Variants in SLC16A12 observed in about 807,000 individuals in gnomAD.
The protein encoded by SLC16A12 is solute carrier family 16 member 12, also known as monocarboxylate transporter 12.
Under a neutral mutation model 42.4 loss-of-function variants are expected in SLC16A12, and 17 were observed. The observed-to-expected ratio is 0.40, with a 90% confidence interval of 0.27 to 0.60. The LOEUF (loss-of-function observed/expected upper bound fraction) is 0.60, where lower values mean the gene tolerates loss of function less well. Among genes scored for constraint, SLC16A12 ranks in the 20% least tolerant of loss-of-function variants. The probability of loss-of-function intolerance (pLI) is 0.42; values close to 1 mark genes in which losing one functional copy is unlikely to be tolerated. For synonymous variants in SLC16A12, 224 were observed against 229.4 expected (o/e 0.98, Z 0.21); for missense variants, 544 against 623.0 (o/e 0.87, Z 1.35).
chr10:89,505,307 C>T (rs534832374), intron 2 of SLC16A12, among the ~76,000 whole-genome samples: 8 of 151,924 alleles, frequency 5.3e-5, no homozygotes, highest in East Asian at 1.9e-4. Context: ...CCCAGCTACT[C>T]GGGAGGCTGA....
chr10:89,442,899 T>C (rs1456715067), intron 4 of SLC16A12, among the ~76,000 whole-genome samples: 2 of 152,172 alleles, frequency 1.3e-5, no homozygotes, highest in Admixed American at 6.5e-5. Flanking sequence ...AAGACATGGC[T>C]TGAAGAGATG....
chr10:89,554,881 A>C (rs1383991858), intron 2 of SLC16A12, among the ~76,000 whole-genome samples: 5 of 152,136 alleles, frequency 3.3e-5, no homozygotes, highest in Non-Finnish European at 5.9e-5. Context: ...GTCCCCTTTC[A>C]TCTTCATAAA....
chr10:89,487,324 T>C (rs898332881), intron 2 of SLC16A12, among the ~76,000 whole-genome samples: 1 of 151,992 alleles, frequency 6.6e-6, no homozygotes, highest in Non-Finnish European at 1.5e-5. Context: ...TGGCTATTAC[T>C]AAAAAGTCAA....
chr10:89,489,434 G>A (rs1268756100), intron 2 of SLC16A12, among the ~76,000 whole-genome samples: 1 of 151,956 alleles, frequency 6.6e-6, no homozygotes, highest in East Asian at 1.9e-4. Flanking sequence ...CTGTCTCCCG[G>A]GCTCAAGGAT....
rs1842563689 is a variant in SLC16A12 at position 89,475,481 on chromosome 10, ATTTT to A, written c.-46-12861_-46-12858del. 2.0e-5 allele frequency among the ~76,000 whole-genome samples: 3 copies of A among 152,164 alleles called. No homozygotes were observed. The South Asian group carries it at 6.2e-4, about 32-fold the overall frequency. ...CCTTCAACTGGAAATTGATTTATTT[ATTTT>A]TATTGTTTACTGACATTACACATGT... On this transcript the variant is annotated intron_variant, in intron 2 of 7. Transcript: ENST00000371790.
chr10:89,531,749 G>A (rs1024561659), intron 2 of SLC16A12, among the ~76,000 whole-genome samples: 7 of 152,160 alleles, frequency 4.6e-5, no homozygotes, highest in Non-Finnish European at 8.8e-5. Context: ...TTCAAAAAGA[G>A]GCAAGGATGT....
intron 2 of SLC16A12, chr10:89,468,253 G>T (rs1022376259): frequency 6.6e-6 from 1 of 152,228 alleles, no homozygotes; most frequent in African/African-American, 2.4e-5. Flanking sequence ...TGGGGAGAAA[G>T]AGCCTCTCTG....
chr10:89,443,400 T>C (rs1046914396), intron 4 of SLC16A12, among the ~76,000 whole-genome samples: 1 of 152,190 alleles, frequency 6.6e-6, no homozygotes, highest in African/African-American at 2.4e-5. Flanking sequence ...GAGAAGGCCA[T>C]AGCATTTGGA....
intron 2 of SLC16A12, among the ~76,000 whole-genome samples, chr10:89,526,284 A>G (rs1195801116): frequency 6.6e-6 from 1 of 152,244 alleles, no homozygotes; most frequent in Non-Finnish European, 1.5e-5. Flanking sequence ...AACGGCACTT[A>G]GCCCAGCATA....
chr10:89,460,609 A>G (rs1389002267), intron 3 of SLC16A12, among the ~76,000 whole-genome samples: 1 of 151,714 alleles, frequency 6.6e-6, no homozygotes, highest in African/African-American at 2.4e-5. Flanking sequence ...CCAGTACAAA[A>G]TTTTGTATCC....
At chr10:89,439,308 C>T in intron 5 of SLC16A12, 125 bp from the exon 6 acceptor site, 10 of 939,852 alleles carry the variant, frequency 1.1e-5, no homozygotes, top group Non-Finnish European at 1.4e-5. Context: ...CTGCTTTTTA[C>T]ACCAAGCTTA....
At chr10:89,533,452 C>T (rs1267562684) in intron 2 of SLC16A12, among the ~76,000 whole-genome samples, 1 of 152,162 alleles carries the variant, frequency 6.6e-6, no homozygotes, top group East Asian at 1.9e-4. Context: ...GAAAAATATG[C>T]AGTGCAATGC....
At chr10:89,539,869 C>CTTTCTTTCTT (rs1843701603), upstream of SLC16A12, among the ~76,000 whole-genome samples, 1 of 140,792 alleles carries the variant, frequency 7.1e-6, no homozygotes, top group African/African-American at 2.9e-5. Flanking sequence ...TTCTTTCTTT[C>CTTTCTTTCTT]TTTCTTTCTT....
chr10:89,505,241 C>A (rs954784078), intron 2 of SLC16A12, among the ~76,000 whole-genome samples: 4 of 151,548 alleles, frequency 2.6e-5, no homozygotes, highest in African/African-American at 9.7e-5. Flanking sequence ...ATGGTGAAAC[C>A]CCATCTCTAC....
At chr10:89,541,419 A>T (rs1843715160) in intron 2 of SLC16A12, among the ~76,000 whole-genome samples, 1 of 151,886 alleles carries the variant, frequency 6.6e-6, no homozygotes, top group South Asian at 2.1e-4. Flanking sequence ...ACATACTGAG[A>T]CCCCGTCTCT....
At chr10:89,434,150 C>A (rs1841738400) in intron 7 of SLC16A12, among the ~76,000 whole-genome samples, 1 of 152,114 alleles carries the variant, frequency 6.6e-6, no homozygotes, top group African/African-American at 2.4e-5. Context: ...TTATAAGCCC[C>A]ACAAAATTTC....
intron 3 of SLC16A12, among the ~76,000 whole-genome samples, chr10:89,452,166 T>C (rs1268546936): frequency 6.6e-6 from 1 of 152,180 alleles, no homozygotes; most frequent in Non-Finnish European, 1.5e-5. Context: ...ATATTTCCAT[T>C]CCCTTTCAGT....
chr10:89,498,093 C>A (rs1842948100), intron 2 of SLC16A12, among the ~76,000 whole-genome samples: 1 of 152,062 alleles, frequency 6.6e-6, no homozygotes, highest in South Asian at 2.1e-4. Context: ...GCAGAGCCCA[C>A]AAGTTCAAGA....
chr10:89,500,567 GA>G (rs969310238), intron 2 of SLC16A12, among the ~76,000 whole-genome samples: 9 of 151,718 alleles, frequency 5.9e-5, no homozygotes, highest in Non-Finnish European at 1.3e-4. Context: ...ATCAATAGAT[GA>G]AAAAAAAGCA....
Sources: gnomAD v4.1 joint callset for allele counts (sites outside exome capture counted in the v4.1 genomes callset) on GRCh38, gnomAD v4.1.1 for gene constraint, MANE v1.5 for transcripts, NCBI Gene and HGNC (gene_info 2026-07-23, HGNC 2026-07-21) for gene names.